Variants in ARRB1 observed in about 807,000 individuals in gnomAD.
The protein encoded by ARRB1 is arrestin beta 1.
ARRB1 carries 21 observed loss-of-function variants against 56.8 expected under a neutral mutation model. That is an observed-to-expected ratio of 0.37 (90% CI 0.26 to 0.53). The LOEUF is 0.53. Ranked by LOEUF, ARRB1 falls within the 20% of genes least tolerant of loss-of-function variation. ARRB1 has a pLI of 0.88. For synonymous variants in ARRB1, 210 were observed against 218.6 expected (o/e 0.96, Z 0.35); for missense variants, 424 against 553.7 (o/e 0.77, Z 2.35).
In ARRB1 at chr11:75,287,884, T is replaced by C. The variant is rs376640557; in HGVS notation, c.52-509A>G. On this transcript the variant is annotated intron_variant, in intron 2 of 15. Coordinates refer to ENST00000420843, the MANE Select transcript of ARRB1 (RefSeq NM_004041.5). ...TTCTTAAATAATTTTTTTTTCGAGA[T>C]GGAATTTTGCTCTTGTTGCCCGGCC... Among the ~76,000 whole-genome samples the C allele has an allele frequency of 1.2e-3, 176 of 152,304 alleles. 2 individuals are homozygous for C. The highest frequency in any genetic ancestry group is 3.9e-3 in the African/African-American group (164 of 41,570).
chr11:75,335,355 C>T lies in ARRB1; in HGVS notation c.20+16233G>A, dbSNP rs1028577780. On this transcript the variant is annotated intron_variant, in intron 1 of 15. Coordinates refer to ENST00000420843, the MANE Select transcript of ARRB1 (RefSeq NM_004041.5). The stretch of plus-strand genomic sequence containing the variant: ...ATCCCAGCACTTTGGGAGGCTGAGA[C>T]GGGAGGATTGCTCGAGCCCAGGAGT... 1.3e-4 allele frequency among the ~76,000 whole-genome samples: 20 copies of T among 152,122 alleles called. No individual in the cohort carries two copies. In the East Asian group the frequency reaches 2.9e-3, roughly 22 times the overall value.
intron 1 of ARRB1, among the ~76,000 whole-genome samples, chr11:75,295,268 C>T (rs538685764): frequency 2.1e-5 from 3 of 143,718 alleles, no homozygotes; most frequent in African/African-American, 7.7e-5. Context: ...AACATATTAT[C>T]TTATAGTTTG....
intron 1 of ARRB1, among the ~76,000 whole-genome samples, chr11:75,344,199 C>T (rs955983189): frequency 2.0e-5 from 3 of 152,182 alleles, no homozygotes; most frequent in African/African-American, 4.8e-5. Flanking sequence ...ACTACCCTTT[C>T]GAGCAGTAGC....
Position 75,274,148 on chromosome 11 carries a change from A to G in ARRB1, c.840T>C (p.Asn280=). ...AGGCGAGGCCCCGCTTCTCTCGGTT[A>G]TTGGCTAGGAAGGGGGTCAGTGTGT... ...KVYTLTPFLA[N]NREKRGLALD... Residue 280 remains asparagine, a synonymous_variant, in exon 11 of 16, where the codon AAT becomes AAC. Transcript: ENST00000420843. 6.2e-7 allele frequency: 1 copy of G among 1,614,174 alleles called. No individual in the cohort carries two copies.
chr11:75,327,086 G>A (rs1238533802), intron 1 of ARRB1, among the ~76,000 whole-genome samples: 2 of 151,864 alleles, frequency 1.3e-5, no homozygotes, highest in African/African-American at 4.8e-5. Context: ...AGGCCGAGGC[G>A]GGCGGGTCAC....
intron 9 of ARRB1, 65 bp downstream of exon 9, chr11:75,277,299 C>G: frequency 6.7e-7 from 1 of 1,497,136 alleles, no homozygotes; most frequent in Non-Finnish European, 9.3e-7. Flanking sequence ...GATACTTCAG[C>G]CACCCCCAGC....
At chr11:75,310,133 C>T (rs1033774361) in intron 1 of ARRB1, among the ~76,000 whole-genome samples, 1 of 152,132 alleles carries the variant, frequency 6.6e-6, no homozygotes, top group African/African-American at 2.4e-5. Flanking sequence ...AAATGGAAAT[C>T]GATGTGGGGA....
At chr11:75,299,326 A>G (rs1265793658) in intron 1 of ARRB1, among the ~76,000 whole-genome samples, 1 of 151,904 alleles carries the variant, frequency 6.6e-6, no homozygotes, top group African/African-American at 2.4e-5. Context: ...GACTCCGCCC[A>G]CCCACACGCT....
chr11:75,266,190 G>T lies in ARRB1; in HGVS notation c.1230C>A (p.Thr410=), dbSNP rs147602750. 6.2e-7 allele frequency: 1 copy of T among 1,614,180 alleles called. No homozygotes were observed. Among genetic ancestry groups the T allele is most frequent in the East Asian group, 2.2e-5 (1 of 44,888 alleles). Residue 410 remains threonine (T), a synonymous_variant, in exon 16 of 16, where the codon ACC becomes ACA. Transcript: ENST00000420843. ...ATCTGTTGTTGAGCTGTGGAGAGCC[G>T]GTACCATCCTCCTCTTCCTCCTTGT... is the stretch of plus-strand genomic sequence containing the variant. ...KDDKEEEEDG[T]GSPQLNNR
At chr11:75,329,969 T>C (rs940933880) in intron 1 of ARRB1, among the ~76,000 whole-genome samples, 11 of 151,826 alleles carry the variant, frequency 7.2e-5, no homozygotes, top group Admixed American at 1.3e-4. Flanking sequence ...CACTGCACTC[T>C]AGCCTGAATG....
At chr11:75,273,106 A>G (rs1337566483) in intron 11 of ARRB1, 128 bp from the exon 12 acceptor site, 2 of 739,554 alleles carry the variant, frequency 2.7e-6, no homozygotes, top group East Asian at 2.7e-5. Context: ...TACCATGTCC[A>G]ATAGAGCCCA....
At chr11:75,272,524 G>A (rs1433025889) in intron 12 of ARRB1, among the ~76,000 whole-genome samples, 1 of 152,170 alleles carries the variant, frequency 6.6e-6, no homozygotes, top group African/African-American at 2.4e-5. Flanking sequence ...CATGCATGGG[G>A]GTGGGTGCTA....
At chr11:75,350,638 A>G (rs1364924467) in intron 1 of ARRB1, among the ~76,000 whole-genome samples, 2 of 152,176 alleles carry the variant, frequency 1.3e-5, no homozygotes, top group African/African-American at 2.4e-5. Flanking sequence ...GTATTTCAGG[A>G]CAGGTTCTAG....
chr11:75,329,777 G>A (rs1565142793), intron 1 of ARRB1, among the ~76,000 whole-genome samples: 1 of 152,114 alleles, frequency 6.6e-6, no homozygotes, highest in African/African-American at 2.4e-5. Context: ...AGGATTGCTT[G>A]AGCCCAAGAG....
intron 1 of ARRB1, among the ~76,000 whole-genome samples, chr11:75,341,183 G>C (rs1473947022): frequency 6.6e-6 from 1 of 152,130 alleles, no homozygotes; most frequent in Non-Finnish European, 1.5e-5. Context: ...TGTCACTCAG[G>C]CTGGAGTACA....
intron 15 of ARRB1, 75 bp from the exon 16 acceptor site, chr11:75,266,349 G>T: frequency 8.1e-7 from 1 of 1,236,412 alleles, no homozygotes; most frequent in Non-Finnish European, 1.2e-6. Context: ...GGCCCGGCCA[G>T]ATGTGACTCA....
intron 1 of ARRB1, among the ~76,000 whole-genome samples, chr11:75,329,372 G>A (rs961249901): frequency 6.6e-6 from 1 of 152,156 alleles, no homozygotes; most frequent in Non-Finnish European, 1.5e-5. Context: ...CCAAAGTGCT[G>A]GAATTACAGG....
intron 9 of ARRB1, 115 bp from the exon 10 acceptor site, chr11:75,277,026 G>C: frequency 2.9e-6 from 3 of 1,017,684 alleles, no homozygotes. Context: ...GAGGCCACCA[G>C]TGGGGACTTC....
intron 3 of ARRB1, among the ~76,000 whole-genome samples, chr11:75,286,544 C>T (rs958216499): frequency 1.3e-5 from 2 of 151,922 alleles, no homozygotes; most frequent in Non-Finnish European, 2.9e-5. Context: ...GGATTACAGG[C>T]GTGAGCCACC....
Sources: allele counts gnomAD v4.1 joint callset (sites outside exome capture counted in the v4.1 genomes callset), GRCh38; gene constraint gnomAD v4.1.1; transcripts MANE v1.5; gene names NCBI Gene and HGNC (gene_info 2026-07-23, HGNC 2026-07-21).